MGMT: variants seen among roughly 807,000 people sequenced by gnomAD.
MGMT encodes O-6-methylguanine-DNA methyltransferase, also known as methylated-DNA--protein-cysteine methyltransferase.
Under a neutral mutation model 15.9 loss-of-function variants are expected in MGMT, and 14 were observed. That is an observed-to-expected ratio of 0.88 (90% CI 0.58 to 1.37). The LOEUF (loss-of-function observed/expected upper bound fraction) is 1.37. Among genes scored for constraint, MGMT ranks in the 40% most tolerant of loss-of-function variants. The probability of loss-of-function intolerance (pLI) is 0.00; values close to 1 mark genes in which losing one functional copy is unlikely to be tolerated. For missense variants in MGMT, 282 were observed against 268.1 expected, an observed-to-expected ratio of 1.05 and a Z score of -0.36; for synonymous variants, 130 against 118.2, an observed-to-expected ratio of 1.10 and a Z score of -0.65.
intron 2 of MGMT, among the ~76,000 whole-genome samples, chr10:129,564,363 T>C (rs1182794011): frequency 2.7e-5 from 1 of 37,698 alleles, no homozygotes; most frequent in African/African-American, 1.1e-4. Flanking sequence ...CCCTTCCTCC[T>C]CCTCCTCTTC....
rs764838315 is a variant in MGMT at position 129,766,777 on chromosome 10, CT to C, written c.415-10del. On this transcript the variant is annotated splice_polypyrimidine_tract_variant and intron_variant, in intron 4 of 4. Coordinates refer to ENST00000651593, the MANE Select transcript of MGMT (RefSeq NM_002412.5). ...TCCCTGACTGACAGTGGCTGCCCCC[CT>C]GTCTTCCAGGTCCCCATCCTCATCC... is the stretch of plus-strand genomic sequence containing the variant. 119 of 1,609,508 alleles carry C rather than the reference CT, an allele frequency of 7.4e-5. 1 individual carries two copies. In the South Asian group the frequency reaches 1.2e-3, roughly 16 times the overall value.
chr10:129,720,822 C>G (rs1265668571), intron 3 of MGMT, among the ~76,000 whole-genome samples: 1 of 152,162 alleles, frequency 6.6e-6, no homozygotes, highest in Non-Finnish European at 1.5e-5. Flanking sequence ...GGACCTGGAT[C>G]TCTCTTGAGA....
chr10:129,684,472 T>A (rs1476818681), intron 2 of MGMT, among the ~76,000 whole-genome samples: 1 of 152,242 alleles, frequency 6.6e-6, no homozygotes, highest in Non-Finnish European at 1.5e-5. Context: ...TTTCCACAAA[T>A]ACAAATCCTC....
At chr10:129,656,576 G>A (rs906462651) in intron 2 of MGMT, among the ~76,000 whole-genome samples, 7 of 152,310 alleles carry the variant, frequency 4.6e-5, no homozygotes, top group Admixed American at 2.6e-4. Context: ...CCAGGTGGTC[G>A]GGGCACCGCT....
chr10:129,705,159 C>T (rs1848145924), intron 2 of MGMT, among the ~76,000 whole-genome samples: 1 of 152,216 alleles, frequency 6.6e-6, no homozygotes, highest in African/African-American at 2.4e-5. Context: ...GCCGTGTGTG[C>T]CCCTGGGCAT....
intron 3 of MGMT, among the ~76,000 whole-genome samples, chr10:129,749,460 C>T (rs535514150): frequency 6.6e-6 from 1 of 152,106 alleles, no homozygotes; most frequent in Non-Finnish European, 1.5e-5. Flanking sequence ...CTGCATAGCT[C>T]ATTTTTTTCA....
chr10:129,735,267 C>A (rs1848546963), intron 3 of MGMT, among the ~76,000 whole-genome samples: 1 of 152,142 alleles, frequency 6.6e-6, no homozygotes, highest in African/African-American at 2.4e-5. Flanking sequence ...AGAGATTCAA[C>A]TTCTTCCTGG....
chr10:129,698,063 T>C (rs1848052553), intron 2 of MGMT, among the ~76,000 whole-genome samples: 2 of 151,954 alleles, frequency 1.3e-5, no homozygotes, highest in Admixed American at 1.3e-4. Context: ...CAGGAAAGAG[T>C]GAGTCCTCTC....
chr10:129,604,737 A>ACCCGCCCCC (rs1466589243), intron 2 of MGMT, among the ~76,000 whole-genome samples: 4 of 38,760 alleles, frequency 1.0e-4, no homozygotes, highest in African/African-American at 3.8e-4. Context: ...TCGCCGCCCC[A>ACCCGCCCCC]CCCCCTCCCC....
intron 1 of MGMT, among the ~76,000 whole-genome samples, chr10:129,527,789 C>T (rs532629080): frequency 5.3e-5 from 8 of 152,212 alleles, no homozygotes; most frequent in East Asian, 3.9e-4. Context: ...TTGGCCCTCA[C>T]GGCTCCAGGA....
intron 1 of MGMT, among the ~76,000 whole-genome samples, chr10:129,487,975 A>C (rs1447673844): frequency 2.0e-5 from 1 of 49,260 alleles, no homozygotes; most frequent in African/African-American, 6.9e-5. Flanking sequence ...GTGTATACGC[A>C]GGTATACACA....
At chr10:129,707,807 G>T (rs1295291615) in intron 2 of MGMT, 88 bp from the exon 3 acceptor site, 1 of 1,557,100 alleles carries the variant, frequency 6.4e-7, no homozygotes, top group Admixed American at 1.7e-5. Flanking sequence ...ACAGGTGTTT[G>T]CCCGTTTAGA....
chr10:129,531,016 C>T (rs1006925473), intron 1 of MGMT, among the ~76,000 whole-genome samples: 1 of 152,238 alleles, frequency 6.6e-6, no homozygotes, highest in African/African-American at 2.4e-5. Context: ...GGCTTGCCTG[C>T]TGGCTCTGGG....
At chr10:129,725,809 C>A (rs995073591) in intron 3 of MGMT, among the ~76,000 whole-genome samples, 14 of 152,216 alleles carry the variant, frequency 9.2e-5, no homozygotes, top group African/African-American at 3.4e-4. Flanking sequence ...GAGGAGTCGG[C>A]TCCACGGTCC....
intron 2 of MGMT, among the ~76,000 whole-genome samples, chr10:129,595,872 A>G (rs1426949490): frequency 2.6e-5 from 4 of 152,104 alleles, no homozygotes; most frequent in Admixed American, 6.5e-5. Flanking sequence ...ACCCCTTTAG[A>G]ATGTACTTCT....
At chr10:129,579,881 G>A (rs563283240) in intron 2 of MGMT, among the ~76,000 whole-genome samples, 2 of 152,280 alleles carry the variant, frequency 1.3e-5, no homozygotes, top group East Asian at 1.9e-4. Context: ...TCTGCATAGC[G>A]AGGCTGTCAG....
chr10:129,604,563 G>A (rs1846864642), intron 2 of MGMT, among the ~76,000 whole-genome samples: 1 of 152,164 alleles, frequency 6.6e-6, no homozygotes, highest in Non-Finnish European at 1.5e-5. Flanking sequence ...GCTGTCAGAA[G>A]CCATTTTTCA....
intron 3 of MGMT, among the ~76,000 whole-genome samples, chr10:129,741,407 G>A (rs780295885): frequency 1.7e-4 from 26 of 152,222 alleles, no homozygotes; most frequent in East Asian, 5.8e-4. Context: ...GTGGCCACGC[G>A]TGTGGTGCGA....
chr10:129,594,647 C>T (rs1464481385), intron 2 of MGMT, among the ~76,000 whole-genome samples: 2 of 152,146 alleles, frequency 1.3e-5, no homozygotes, highest in Non-Finnish European at 2.9e-5. Context: ...CCATCAGCTC[C>T]AGCGCGTGAA....
Sources: gnomAD v4.1 joint callset for allele counts (sites outside exome capture counted in the v4.1 genomes callset) on GRCh38, gnomAD v4.1.1 for gene constraint, MANE v1.5 for transcripts, NCBI Gene and HGNC (gene_info 2026-07-23, HGNC 2026-07-21) for gene names.